DNAJC15: variants seen among roughly 807,000 people sequenced by gnomAD.
The protein encoded by DNAJC15 is dnaJ homolog subfamily C member 15.
In DNAJC15, 27 loss-of-function variants were observed where a neutral mutation model predicts 22.4. The ratio of observed to expected loss-of-function variants is 1.20; its 90% confidence interval spans 0.89 to 1.66. The LOEUF is 1.66. DNAJC15 is among the 40% of genes most tolerant of loss of function. The probability of loss-of-function intolerance (pLI) is 0.00; values close to 1 mark genes in which losing one functional copy is unlikely to be tolerated. For missense variants in DNAJC15, 208 were observed against 187.1 expected, an observed-to-expected ratio of 1.11 and a Z score of -0.65; for synonymous variants, 79 against 63.2, an observed-to-expected ratio of 1.25 and a Z score of -1.19.
chr13:43,061,365 G>C (rs534115610), intron 1 of DNAJC15, among the ~76,000 whole-genome samples: 1 of 152,136 alleles, frequency 6.6e-6, no homozygotes, highest in Non-Finnish European at 1.5e-5. Context: ...TGTCCTGAGC[G>C]ATGGGATCTG....
intron 1 of DNAJC15, among the ~76,000 whole-genome samples, chr13:43,044,405 C>T (rs1052130461): frequency 1.3e-5 from 2 of 152,142 alleles, no homozygotes; most frequent in African/African-American, 2.4e-5. Flanking sequence ...TTATCATACT[C>T]GTCACGGCAT....
chr13:43,043,340 C>G (rs565569903), intron 1 of DNAJC15, among the ~76,000 whole-genome samples: 1 of 152,190 alleles, frequency 6.6e-6, no homozygotes, highest in South Asian at 2.1e-4. Flanking sequence ...ACTCCTGACT[C>G]TCAGTTGATC....
intron 1 of DNAJC15, among the ~76,000 whole-genome samples, chr13:43,041,879 A>G (rs1252630449): frequency 1.3e-5 from 2 of 152,244 alleles, no homozygotes; most frequent in Non-Finnish European, 2.9e-5. Flanking sequence ...CTTGCCTTCT[A>G]GAGGTTCATA....
intron 1 of DNAJC15, among the ~76,000 whole-genome samples, chr13:43,062,758 G>A (rs924770007): frequency 2.0e-5 from 3 of 151,344 alleles, no homozygotes; most frequent in Non-Finnish European, 4.4e-5. Context: ...TGCTCTTGTT[G>A]CCCAGGCTGG....
chr13:43,027,984 CACCAT>C (rs2040388086), intron 1 of DNAJC15, among the ~76,000 whole-genome samples: 1 of 152,100 alleles, frequency 6.6e-6, no homozygotes, highest in African/African-American at 2.4e-5. Context: ...CTGTTTTTTA[CACCAT>C]AATGGGAGGC....
intron 3 of DNAJC15, among the ~76,000 whole-genome samples, chr13:43,074,294 T>C (rs1357532098): frequency 2.0e-5 from 3 of 152,308 alleles, no homozygotes; most frequent in African/African-American, 4.8e-5. Context: ...TAATCTAACA[T>C]GGCACTATAG....
chr13:43,027,755 C>A (rs1035906150), intron 1 of DNAJC15, among the ~76,000 whole-genome samples: 1 of 151,740 alleles, frequency 6.6e-6, no homozygotes, highest in Non-Finnish European at 1.5e-5. Context: ...CTCACAGGTT[C>A]ACCTGAGTCT....
At chr13:43,080,051 G>A (rs2040654497) in intron 4 of DNAJC15, among the ~76,000 whole-genome samples, 1 of 152,072 alleles carries the variant, frequency 6.6e-6, no homozygotes, top group Non-Finnish European at 1.5e-5. Context: ...TAATATATGT[G>A]AATTTCTTTT....
In DNAJC15 at chr13:43,024,893, T is replaced by TAAAAAAAAAAAAAAAAAAAAAAAAAAA. The variant is rs34398144; in HGVS notation, c.108+1177_108+1178insAAAAAAAAAAAAAAAAAAAAAAAAAAA. Reference sequence around the variant, plus strand: ...GCAACACAGGAGACCCCATCTCTGCTAAAAAAAAAAAAAAAAAATTAGCTG... The same window carrying TAAAAAAAAAAAAAAAAAAAAAAAAAAA: ...GCAACACAGGAGACCCCATCTCTGCTAAAAAAAAAAAAAAAAAAAAAAAAAAAAAAAAAAAAAAAAAAAAATTAGCTG... On this transcript the variant is annotated intron_variant, in intron 1 of 5. Coordinates refer to ENST00000379221, the MANE Select transcript of DNAJC15 (RefSeq NM_013238.3). 4.4e-4 allele frequency among the ~76,000 whole-genome samples: 38 copies of TAAAAAAAAAAAAAAAAAAAAAAAAAAA among 85,932 alleles called. 1 individual carries two copies. Among genetic ancestry groups the TAAAAAAAAAAAAAAAAAAAAAAAAAAA allele is most frequent in the African/African-American group, 1.3e-3 (29 of 21,688 alleles). The allele number at this position is 85,932 out of a possible 152,430, so 56.4% of individuals were successfully genotyped here.
intron 5 of DNAJC15, among the ~76,000 whole-genome samples, chr13:43,088,885 G>C (rs1172282142): frequency 6.6e-6 from 1 of 151,040 alleles, no homozygotes; most frequent in African/African-American, 2.4e-5. Context: ...TGTTTTGGAG[G>C]GTTCATCTTT....
chr13:43,065,011 T>G (rs2040576729), intron 1 of DNAJC15, among the ~76,000 whole-genome samples: 1 of 151,942 alleles, frequency 6.6e-6, no homozygotes, highest in Non-Finnish European at 1.5e-5. Flanking sequence ...GGATTACCAT[T>G]GATCCTTGCC....
chr13:43,064,717 A>T (rs1198637761), intron 1 of DNAJC15, among the ~76,000 whole-genome samples: 1 of 152,152 alleles, frequency 6.6e-6, no homozygotes. Flanking sequence ...TCTGGAACCA[A>T]TGTCTTTTCA....
At chr13:43,090,709 CTT>C (rs5803165) in intron 5 of DNAJC15, among the ~76,000 whole-genome samples, 26,402 of 139,420 alleles carry the variant, frequency 0.19, 2,654 homozygotes, top group Non-Finnish European at 0.25. Context: ...TTCTTTCTTT[CTT>C]TTTTTTTTTT....
chr13:43,084,473 A>C (rs2040678021), intron 4 of DNAJC15, among the ~76,000 whole-genome samples: 1 of 152,226 alleles, frequency 6.6e-6, no homozygotes, highest in African/African-American at 2.4e-5. Context: ...CCTGTTTCTG[A>C]CTAACTGTAA....
chr13:43,101,884 G>A (rs570531638), intron 5 of DNAJC15, among the ~76,000 whole-genome samples: 2 of 152,294 alleles, frequency 1.3e-5, no homozygotes, highest in South Asian at 4.1e-4. Context: ...GAATTGTGCT[G>A]CTATAAACAT....
intron 1 of DNAJC15, among the ~76,000 whole-genome samples, chr13:43,048,652 T>C (rs1005254495): frequency 2.6e-5 from 4 of 152,162 alleles, no homozygotes. Flanking sequence ...AGGTTTTTGG[T>C]TTTTCTTACA....
chr13:43,100,637 G>A (rs997758979), intron 5 of DNAJC15, among the ~76,000 whole-genome samples: 2 of 152,172 alleles, frequency 1.3e-5, no homozygotes, highest in Non-Finnish European at 2.9e-5. Context: ...AGAATACAGT[G>A]TATTATTTCT....
At chr13:43,099,063 A>G (rs1156676693) in intron 5 of DNAJC15, among the ~76,000 whole-genome samples, 1 of 151,888 alleles carries the variant, frequency 6.6e-6, no homozygotes, top group Non-Finnish European at 1.5e-5. Flanking sequence ...ATCTTCCTTA[A>G]TTTCTTTCAA....
chr13:43,031,151 C>A (rs983909834), intron 1 of DNAJC15, among the ~76,000 whole-genome samples: 4 of 152,156 alleles, frequency 2.6e-5, no homozygotes, highest in Non-Finnish European at 1.5e-5. Flanking sequence ...TGAGAGAGCA[C>A]TTGCTTTTCT....
Sources: gnomAD v4.1 joint callset for allele counts (sites outside exome capture counted in the v4.1 genomes callset) on GRCh38, gnomAD v4.1.1 for gene constraint, MANE v1.5 for transcripts, NCBI Gene and HGNC (gene_info 2026-07-23, HGNC 2026-07-21) for gene names.